Variants in CCNJL observed in about 807,000 individuals in gnomAD.
CCNJL encodes the protein cyclin-J-like protein.
A neutral mutation model predicts 33.4 loss-of-function variants in CCNJL; 33 were observed. The observed-to-expected ratio is 0.99, with a 90% confidence interval of 0.75 to 1.32. CCNJL has a LOEUF of 1.32. Ranked by LOEUF, CCNJL falls within the 40% of genes most tolerant of loss-of-function variation. The pLI, the probability that CCNJL is intolerant of heterozygous loss-of-function variation, is 0.00. For missense variants in CCNJL, 512 were observed against 499.7 expected (o/e 1.02, Z -0.23); for synonymous variants, 227 against 220.9 (o/e 1.03, Z -0.24).
At position 160,290,146 on chromosome 5, in the gene CCNJL, G is replaced by C. The variant is rs530427877; in HGVS notation, c.67-9408C>G. ...ATTAGGGGAGGAAGTGAAGTCCTCG[G>C]TTTAACTTTTAGTGTCCTGCACTGC... On this transcript the variant is annotated intron_variant, in intron 2 of 5. Transcript: ENST00000257536. Among the ~76,000 whole-genome samples, 17 of 152,290 alleles carry C rather than the reference G, an allele frequency of 1.1e-4. 1 individual carries two copies. In the South Asian group the frequency reaches 3.5e-3, roughly 32 times the overall value.
At chr5:160,285,405 C>T (rs1762370551) in intron 2 of CCNJL, among the ~76,000 whole-genome samples, 1 of 130,166 alleles carries the variant, frequency 7.7e-6, no homozygotes, top group African/African-American at 2.8e-5. Context: ...GTTAGGTGCC[C>T]AATAACTAAT....
At chr5:160,282,987 A>ATATATC (rs1762279153) in intron 2 of CCNJL, among the ~76,000 whole-genome samples, 1 of 58,152 alleles carries the variant, frequency 1.7e-5, no homozygotes, top group Non-Finnish European at 3.2e-5. Flanking sequence ...ATATATATAT[A>ATATATC]TATATATATA....
At chr5:160,288,985 C>T (rs1197472464) in intron 2 of CCNJL, among the ~76,000 whole-genome samples, 1 of 152,208 alleles carries the variant, frequency 6.6e-6, no homozygotes, top group East Asian at 1.9e-4. Flanking sequence ...CTGCTTCCCA[C>T]TTGCCCCTCA....
chr5:160,281,041 G>A, intron 2 of CCNJL: 1 of 438,568 alleles, frequency 2.3e-6, no homozygotes, highest in Non-Finnish European at 4.2e-6. Context: ...AAGGCATTGG[G>A]GTCAGAGGTC....
intron 5 of CCNJL, chr5:160,255,318 AAAAAT>A (rs1013885922): frequency 5.9e-5 from 21 of 357,152 alleles, no homozygotes; most frequent in African/African-American, 1.7e-4. Flanking sequence ...GTCTCAAAAA[AAAAAT>A]AAAATAAAAT....
In CCNJL at chr5:160,255,358, A is replaced by T. The variant is rs180959651; in HGVS notation, c.743+191T>A. The T allele has an allele frequency of 6.8e-4, 357 of 528,720 alleles. 1 individual carries two copies. The highest frequency in any genetic ancestry group is 1.3e-3 in the Admixed American group (44 of 33,152). The allele number at this position is 528,720 out of a possible 1,614,324, so 32.8% of individuals were successfully genotyped here. Reference sequence around the variant, plus strand: ...TAAAAAGCAAACCTGAAGCTATTCAAAATAGGAAGAACTGGTTCTCGAAAC... The same window carrying T: ...TAAAAAGCAAACCTGAAGCTATTCATAATAGGAAGAACTGGTTCTCGAAAC... On this transcript the variant is annotated intron_variant, in intron 5 of 5. Coordinates refer to ENST00000257536, the MANE Select transcript of CCNJL (RefSeq NM_001308173.3).
chr5:160,306,633 C>T (rs1336437047), intron 2 of CCNJL, among the ~76,000 whole-genome samples: 2 of 152,186 alleles, frequency 1.3e-5, no homozygotes, highest in Non-Finnish European at 2.9e-5. Context: ...CTCATGAAGC[C>T]TTAAGTCACA....
chr5:160,258,076 C>T lies in CCNJL; in HGVS notation c.583+1393G>A, dbSNP rs765979458. ...GGCCAGGCTGGTCTTGAACTCCTGA[C>T]CTCAGGTGATCTGCCCACCTCAGCC... On this transcript the variant is annotated intron_variant, in intron 4 of 5. Coordinates refer to ENST00000257536, the MANE Select transcript of CCNJL (RefSeq NM_001308173.3). Among the ~76,000 whole-genome samples the T allele has an allele frequency of 2.6e-5, 4 of 152,078 alleles. No individual in the cohort carries two copies. The South Asian group carries it at 8.3e-4, about 32-fold the overall frequency.
intron 3 of CCNJL, among the ~76,000 whole-genome samples, chr5:160,268,180 G>C (rs1761686350): frequency 6.6e-6 from 1 of 152,216 alleles, no homozygotes; most frequent in Admixed American, 6.5e-5. Flanking sequence ...TGAGGAACCA[G>C]GGGAGACAGA....
In CCNJL at chr5:160,253,757, C is replaced by T; in HGVS notation, c.785G>A (p.Ser262Asn). Residue 262 changes from serine (S) to asparagine (N), a missense_variant, in exon 6 of 6, where the codon AGC (serine) becomes AAC (asparagine). By Grantham distance (46) the Ser-to-Asn change is conservative (BLOSUM62 1). Transcript: ENST00000257536. Reference protein sequence around the residue: ...NVLKDAVAVKSQALAMVPGTP... With the variant: ...NVLKDAVAVKNQALAMVPGTP... Reference sequence around the variant, plus strand: ...GCCGGGCACCATTGCCAAGGCCTGGCTCTTGACGGCTACGGCATCCTTGAG... The same window carrying T: ...GCCGGGCACCATTGCCAAGGCCTGGTTCTTGACGGCTACGGCATCCTTGAG... 1 of 1,538,470 alleles carries T rather than the reference C, an allele frequency of 6.5e-7. No individual in the cohort carries two copies. The highest frequency in any genetic ancestry group is 1.4e-5 in the African/African-American group (1 of 73,424).
chr5:160,314,054 A>G (rs1181389555), upstream of CCNJL, among the ~76,000 whole-genome samples: 2 of 152,208 alleles, frequency 1.3e-5, no homozygotes, highest in African/African-American at 4.8e-5. Flanking sequence ...CTGTAATCCC[A>G]GCTACTTGGT....
chr5:160,320,007 G>A (rs1475094515), intron 1 of CCNJL, among the ~76,000 whole-genome samples: 1 of 152,130 alleles, frequency 6.6e-6, no homozygotes, highest in African/African-American at 2.4e-5. Flanking sequence ...GGAATCACCT[G>A]GCCCAGACTT....
In CCNJL at chr5:160,257,109, G is replaced by A. The variant is rs151253333; in HGVS notation, c.584-1401C>T. 1.9e-4 allele frequency among the ~76,000 whole-genome samples: 29 copies of A among 152,092 alleles called. No individual in the cohort carries two copies. The East Asian group carries it at 5.6e-3, about 29-fold the overall frequency. On this transcript the variant is annotated intron_variant, in intron 4 of 5. Transcript: ENST00000257536. The stretch of plus-strand genomic sequence containing the variant: ...CAAATCCTAGCAATGAGCAGGGCAT[G>A]GTAGCTCTCACTTGTAATCCCAGGA...
intron 2 of CCNJL, among the ~76,000 whole-genome samples, chr5:160,308,879 G>A (rs1214983026): frequency 6.6e-6 from 1 of 152,232 alleles, no homozygotes; most frequent in African/African-American, 2.4e-5. Flanking sequence ...GATTAAGGGA[G>A]ACAAGCAACC....
chr5:160,273,031 G>A (rs773482599), intron 3 of CCNJL, among the ~76,000 whole-genome samples: 11 of 152,186 alleles, frequency 7.2e-5, no homozygotes, highest in Admixed American at 2.6e-4. Flanking sequence ...AGCGCTGATG[G>A]AAAAAGAGGT....
At chr5:160,286,522 C>A (rs1413837750) in intron 2 of CCNJL, among the ~76,000 whole-genome samples, 2 of 152,004 alleles carry the variant, frequency 1.3e-5, no homozygotes, top group African/African-American at 4.8e-5. Flanking sequence ...CCTGTGGTCC[C>A]AGTTACACGG....
intron 2 of CCNJL, among the ~76,000 whole-genome samples, chr5:160,289,802 C>T (rs988868360): frequency 2.0e-5 from 3 of 152,142 alleles, no homozygotes; most frequent in Non-Finnish European, 4.4e-5. Context: ...TTTTCCCAAC[C>T]CCCGTCCCCA....
chr5:160,293,812 G>A (rs961882611), intron 2 of CCNJL, among the ~76,000 whole-genome samples: 1 of 152,164 alleles, frequency 6.6e-6, no homozygotes, highest in African/African-American at 2.4e-5. Context: ...AGAGGAGCGG[G>A]CCAGGGCTTG....
intron 2 of CCNJL, among the ~76,000 whole-genome samples, chr5:160,309,893 T>C (rs1265551898): frequency 6.6e-6 from 1 of 152,142 alleles, no homozygotes. Context: ...ACTCATCGTC[T>C]CTCCGAGGTG....
Sources: gnomAD v4.1 joint callset for allele counts (sites outside exome capture counted in the v4.1 genomes callset) on GRCh38, gnomAD v4.1.1 for gene constraint, MANE v1.5 for transcripts, NCBI Gene and HGNC (gene_info 2026-07-23, HGNC 2026-07-21) for gene names.